The following CDH23 variants were observed in gnomAD, a reference collection of about 807,000 sequenced individuals.
CDH23 encodes the protein cadherin-23.
A neutral mutation model predicts 317.1 loss-of-function variants in CDH23; 189 were observed. The observed-to-expected ratio is 0.60, with a 90% CI of 0.53 to 0.67. The LOEUF (loss-of-function observed/expected upper bound fraction) is 0.67, where lower values mean the gene tolerates loss of function less well. Ranked by LOEUF, CDH23 falls within the 30% of genes least tolerant of loss-of-function variation. The pLI is 0.00. For synonymous variants in CDH23, 1,839 were observed against 1,876.8 expected, an observed-to-expected ratio of 0.98 and a Z score of 0.52; for missense variants, 4,401 against 4,592.4, an observed-to-expected ratio of 0.96 and a Z score of 1.20.
At chr10:71,636,503 T>C (rs1862284187) in intron 11 of CDH23, among the ~76,000 whole-genome samples, 1 of 152,156 alleles carries the variant, frequency 6.6e-6, no homozygotes, top group Non-Finnish European at 1.5e-5. Flanking sequence ...AGTGAGACTC[T>C]GTCTCAGAGA....
Position 71,646,562 on chromosome 10 carries a change from A to G in CDH23, c.1394A>G (p.Tyr465Cys). Residue 465 changes from tyrosine (Y) to cysteine (C), a missense_variant, in exon 14 of 70, where the codon TAC (tyrosine) becomes TGC (cysteine). Transcript: ENST00000224721. ...DNRPIFSQPL[Y>C]NISLYENVTV... ...CGGCCCATCTTCAGCCAGCCACTGT[A>G]CAACATCAGCCTGTACGAGAACGTC... The G allele has an allele frequency of 6.2e-7, 1 of 1,614,002 alleles. No homozygotes were observed. The highest frequency in any genetic ancestry group is 8.5e-7 in the Non-Finnish European group (1 of 1,179,902).
chr10:71,414,960 C>A (rs867898266), intron 1 of CDH23, among the ~76,000 whole-genome samples: 1 of 152,086 alleles, frequency 6.6e-6, no homozygotes. Context: ...CCATTTTATG[C>A]GTAATTCCAA....
In CDH23 at chr10:71,806,249, G is replaced by T; in HGVS notation, c.8146G>T (p.Asp2716Tyr). The change falls in exon 57 of 70, where the codon GAT (aspartate) becomes TAT (tyrosine). Residue 2716 changes from aspartate (D) to tyrosine (Y), a missense_variant. Physicochemically the swap from Asp to Tyr is radical, Grantham distance 160. This residue lies in a region of CDH23 where 1,144 missense variants were observed against 1,138.2 expected (regional missense o/e 1.01). Coordinates refer to ENST00000224721, the MANE Select transcript of CDH23 (RefSeq NM_022124.6). ...QPLQVALEDI[D>Y]DNEPLFVRPP... ...GCTGCAGGTGGCCCTGGAGGACATC[G>T]ATGACAACGAACCCCTTTTCGTGAG... 1.3e-6 allele frequency: 2 copies of T among 1,570,100 alleles called. No individual in the cohort carries two copies. Among genetic ancestry groups the T allele is most frequent in the Non-Finnish European group, 1.7e-6 (2 of 1,157,866 alleles).
intron 3 of CDH23, among the ~76,000 whole-genome samples, chr10:71,462,817 C>G (rs1466369590): frequency 3.3e-5 from 5 of 152,228 alleles, no homozygotes; most frequent in Non-Finnish European, 7.3e-5. Context: ...GAAGCAAAGG[C>G]TCTTCATATG....
chr10:71,666,240 A>G (rs754281432), intron 14 of CDH23, among the ~76,000 whole-genome samples: 3 of 151,066 alleles, frequency 2.0e-5, no homozygotes, highest in Non-Finnish European at 4.4e-5. Context: ...GGCCTCCCAC[A>G]TGCTCAGAAG....
At chr10:71,535,353 C>G (rs1362390202) in intron 6 of CDH23, among the ~76,000 whole-genome samples, 1 of 152,196 alleles carries the variant, frequency 6.6e-6, no homozygotes, top group African/African-American at 2.4e-5. Context: ...GGGCGTGGCC[C>G]CTCCTGCCTT....
chr10:71,797,072 T>C, intron 48 of CDH23, 32 bp from the exon 49 acceptor site: 1 of 1,483,868 alleles, frequency 6.7e-7, no homozygotes, highest in Middle Eastern at 1.8e-4. Flanking sequence ...GGGGTTCTTC[T>C]CAGGCTGAAC....
chr10:71,407,149 A>G (rs1394041964), intron 1 of CDH23, among the ~76,000 whole-genome samples: 5 of 152,208 alleles, frequency 3.3e-5, no homozygotes, highest in Admixed American at 2.6e-4. Context: ...TTCCTTGATC[A>G]TTACTTTGTA....
intron 69 of CDH23, 102 bp downstream of exon 69, chr10:71,813,450 G>A: frequency 2.8e-6 from 3 of 1,061,244 alleles, no homozygotes; most frequent in Non-Finnish European, 4.2e-6. Context: ...CTGGAGCTCT[G>A]CAGCCAGGAC....
chr10:71,733,576 G>A (rs1839462223), intron 32 of CDH23, among the ~76,000 whole-genome samples: 2 of 152,112 alleles, frequency 1.3e-5, no homozygotes, highest in South Asian at 4.1e-4. Flanking sequence ...TTTGTGCCAG[G>A]AACCAGGGAC....
At position 71,815,642 on chromosome 10, in the gene CDH23, G is replaced by C. The variant is rs943163776; in HGVS notation, c.*364G>C. The C allele has an allele frequency of 2.6e-5, 5 of 189,844 alleles. No individual in the cohort carries two copies. Among genetic ancestry groups the C allele is most frequent in the Non-Finnish European group, 5.4e-5 (5 of 92,048 alleles). 11.8% of individuals were successfully genotyped at this position (189,844 alleles called of 1,614,324 possible). ...CCTCCCTCCCAGCTCCACCCCGCAA[G>C]CACCATCCCCTCCGGCTAAGCAGGC... is the stretch of plus-strand genomic sequence containing the variant. On this transcript the variant is annotated 3_prime_UTR_variant, in exon 70 of 70. Coordinates refer to ENST00000224721, the MANE Select transcript of CDH23 (RefSeq NM_022124.6).
chr10:71,808,987 C>T (rs1278827425), intron 60 of CDH23, among the ~76,000 whole-genome samples: 1 of 152,146 alleles, frequency 6.6e-6, no homozygotes. Flanking sequence ...ATCCCTTTGT[C>T]CTCTGAGCTC....
intron 20 of CDH23, among the ~76,000 whole-genome samples, chr10:71,692,380 TG>T (rs1865217820): frequency 6.6e-6 from 1 of 152,142 alleles, no homozygotes; most frequent in African/African-American, 2.4e-5. Context: ...TCTCCAAAGG[TG>T]TAAGTGTTTT....
intron 1 of CDH23, among the ~76,000 whole-genome samples, chr10:71,401,018 G>C (rs1332382786): frequency 6.6e-6 from 1 of 151,964 alleles, no homozygotes; most frequent in East Asian, 1.9e-4. Flanking sequence ...CTTGGCGCTG[G>C]GGCAATCCTG....
intron 3 of CDH23, among the ~76,000 whole-genome samples, chr10:71,477,320 C>A (rs1358266250): frequency 6.6e-6 from 1 of 152,204 alleles, no homozygotes; most frequent in Non-Finnish European, 1.5e-5. Flanking sequence ...AGGCACCTGC[C>A]ACCATGCCCG....
chr10:71,731,044 C>A (rs1839363098), intron 31 of CDH23, among the ~76,000 whole-genome samples: 1 of 152,264 alleles, frequency 6.6e-6, no homozygotes, highest in Non-Finnish European at 1.5e-5. Context: ...GTACAAGGGG[C>A]AGTACCCTTC....
intron 30 of CDH23, 49 bp downstream of exon 30, chr10:71,725,569 C>G (rs752078066): frequency 6.3e-7 from 1 of 1,583,696 alleles, no homozygotes; most frequent in Non-Finnish European, 8.6e-7. Flanking sequence ...GGGGCCAAGC[C>G]CACAGCTAGA....
chr10:71,618,202 C>T (rs953571106), intron 11 of CDH23, among the ~76,000 whole-genome samples: 5 of 152,032 alleles, frequency 3.3e-5, no homozygotes, highest in African/African-American at 9.7e-5. Flanking sequence ...GAGGGGATCC[C>T]GGGCCATAAG....
intron 6 of CDH23, among the ~76,000 whole-genome samples, chr10:71,545,637 C>G (rs746477049): frequency 6.6e-5 from 10 of 152,178 alleles, no homozygotes; most frequent in Non-Finnish European, 1.5e-4. Flanking sequence ...GGGACGCAGC[C>G]AAACAAAACT....
Sources: allele counts gnomAD v4.1 joint callset (sites outside exome capture counted in the v4.1 genomes callset), GRCh38; gene constraint gnomAD v4.1.1; regional missense constraint gnomAD v4.1.1; transcripts MANE v1.5; gene names NCBI Gene and HGNC (gene_info 2026-07-23, HGNC 2026-07-21).